Variants in ATM observed in about 807,000 individuals in gnomAD.
The protein encoded by ATM is serine-protein kinase ATM.
Under a neutral mutation model 387.0 loss-of-function variants are expected in ATM, and 308 were observed. The ratio of observed to expected loss-of-function variants is 0.80; its 90% CI spans 0.73 to 0.87. ATM has a LOEUF of 0.87. Ranked by LOEUF, ATM falls within the 40% of genes least tolerant of loss-of-function variation. ATM has a pLI of 0.00. For missense variants in ATM, 3,312 were observed against 3,560.9 expected (o/e 0.93, Z 1.78); for synonymous variants, 1,156 against 1,187.3 (o/e 0.97, Z 0.54).
At position 108,253,833 on chromosome 11, in the gene ATM, A is replaced by G. The variant is rs879254190; in HGVS notation, c.1918A>G (p.Lys640Glu). The G allele has an allele frequency of 6.2e-7, 1 of 1,613,716 alleles. No homozygotes were observed. The highest frequency in any genetic ancestry group is 1.1e-5 in the South Asian group (1 of 91,056). The stretch of plus-strand genomic sequence containing the variant: ...TTGAAGTGAACACCACCAAAAAGAT[A>G]AAGAAGAACTTTCATTCTCAGAAGT... ...VPECEHHQKD[K>E]EELSFSEVEE... The change falls in exon 13 of 63, where the codon AAA (lysine) becomes GAA (glutamate). Residue 640 changes from lysine (K) to glutamate (E), a missense_variant. By Grantham distance (56) the Lys-to-Glu change is moderately conservative (BLOSUM62 1). This residue lies in a region of ATM where 1,791 missense variants were observed against 1,804.5 expected (regional missense o/e 0.99). Coordinates refer to ENST00000675843, the MANE Select transcript of ATM (RefSeq NM_000051.4).
chr11:108,344,963 C>T (rs1437736719), intron 57 of ATM, among the ~76,000 whole-genome samples: 2 of 151,986 alleles, frequency 1.3e-5, no homozygotes, highest in Admixed American at 6.6e-5. Flanking sequence ...TGATCACACC[C>T]CTGCACTCCA....
rs745319720 is a variant in ATM at position 108,330,204 on chromosome 11, T to G, written c.7308-10T>G. 2.5e-6 allele frequency: 4 copies of G among 1,612,286 alleles called. No individual in the cohort carries two copies. In the East Asian group the frequency reaches 8.9e-5, roughly 36 times the overall value. ...GGCTTTTGTGTTTTACCTTAATTAT[T>G]CTATGCAAGATACACAGTAAAGGTT... On this transcript the variant is annotated splice_polypyrimidine_tract_variant and intron_variant, in intron 49 of 62. Coordinates refer to ENST00000675843, the MANE Select transcript of ATM (RefSeq NM_000051.4).
intron 31 of ATM, among the ~76,000 whole-genome samples, chr11:108,293,810 C>T (rs926550608): frequency 4.8e-5 from 7 of 145,048 alleles, no homozygotes; most frequent in Non-Finnish European, 1.0e-4. Flanking sequence ...CCCTGGAGGT[C>T]AAGGCTGCAA....
chr11:108,312,437 A>G lies in ATM; in HGVS notation c.5945A>G (p.Gln1982Arg), dbSNP rs543980602. ...KRSLAFEEGSQSTTISSLSEK... is the reference protein window; with the variant it reads ...KRSLAFEEGSRSTTISSLSEK... The stretch of plus-strand genomic sequence containing the variant: ...AGTCTTGCATTTGAAGAAGGAAGCC[A>G]GAGTACAACTATTTCTAGCTTGAGT... Residue 1982 changes from glutamine (Q) to arginine (R), a missense_variant, in exon 40 of 63, where the codon CAG (glutamine) becomes CGG (arginine). By Grantham distance (43) the Gln-to-Arg change is conservative. Coordinates refer to ENST00000675843, the MANE Select transcript of ATM (RefSeq NM_000051.4). The G allele has an allele frequency of 1.3e-5, 20 of 1,597,350 alleles. No individual in the cohort carries two copies. In the East Asian group the frequency reaches 3.6e-4, roughly 29 times the overall value.
At position 108,304,870 on chromosome 11, in the gene ATM, TAACATTAATACTGTA is replaced by T; in HGVS notation, c.5674+22_5674+36del. 6.2e-7 allele frequency: 1 copy of T among 1,611,412 alleles called. No homozygotes were observed. Among genetic ancestry groups the T allele is most frequent in the Non-Finnish European group, 8.5e-7 (1 of 1,178,352 alleles). ...GGATTCAGGTATTCTATTAAATTTTTAACATTAATACTGTAAACTCAGTTCTAGAGAAAGATGGAT... is the reference window on the plus strand; with the variant it reads ...GGATTCAGGTATTCTATTAAATTTTTAACTCAGTTCTAGAGAAAGATGGAT... On this transcript the variant is annotated intron_variant, in intron 37 of 62. Coordinates refer to ENST00000675843, the MANE Select transcript of ATM (RefSeq NM_000051.4).
chr11:108,237,470 T>C (rs575460182), intron 5 of ATM, among the ~76,000 whole-genome samples: 206 of 152,224 alleles, frequency 1.4e-3, no homozygotes, highest in Admixed American at 4.1e-3. Flanking sequence ...TCTTACTTCT[T>C]TTTTTTTCTT....
chr11:108,286,014 C>A (rs191456314), intron 26 of ATM, among the ~76,000 whole-genome samples: 11 of 152,250 alleles, frequency 7.2e-5, no homozygotes, highest in Admixed American at 5.9e-4. Flanking sequence ...ATCACAGTTT[C>A]TTAGCTTTTT....
intron 16 of ATM, among the ~76,000 whole-genome samples, chr11:108,264,483 A>T (rs1201523948): frequency 6.6e-6 from 1 of 152,182 alleles, no homozygotes; most frequent in East Asian, 1.9e-4. Context: ...GACGTATCTC[A>T]AAATAATAAG....
chr11:108,282,150 C>T (rs1166591395), intron 24 of ATM, among the ~76,000 whole-genome samples: 4 of 148,872 alleles, frequency 2.7e-5, no homozygotes, highest in Admixed American at 6.7e-5. Context: ...TTTTTTGAGA[C>T]GGAGTCTCGC....
intron 16 of ATM, among the ~76,000 whole-genome samples, chr11:108,261,907 A>G (rs1002972014): frequency 6.6e-5 from 10 of 152,074 alleles, no homozygotes; most frequent in African/African-American, 2.4e-4. Context: ...AATGAATGAA[A>G]TGAAGCGAGA....
At chr11:108,336,409 GTATT>G (rs1425756699) in intron 56 of ATM, 2 of 158,276 alleles carry the variant, frequency 1.3e-5, no homozygotes, top group South Asian at 1.8e-4. Context: ...TTTGTAAAAA[GTATT>G]TATTAATGTT....
At chr11:108,258,950 C>G (rs1477113640) in intron 15 of ATM, 36 bp from the exon 16 acceptor site, 3 of 1,525,182 alleles carry the variant, frequency 2.0e-6, no homozygotes, top group African/African-American at 2.7e-5. Flanking sequence ...GTTTTTATTT[C>G]TTTGTTGCTT....
chr11:108,358,170 C>T (rs948427907), intron 61 of ATM, among the ~76,000 whole-genome samples: 7 of 150,492 alleles, frequency 4.7e-5, no homozygotes, highest in East Asian at 1.9e-4. Context: ...GGAGCCGATG[C>T]GATCAACTGG....
chr11:108,296,892 C>A, intron 32 of ATM: 1 of 261,442 alleles, frequency 3.8e-6, no homozygotes, highest in African/African-American at 2.2e-5. Context: ...ACATTTCCAT[C>A]ATTGCAGAAA....
At chr11:108,266,023 T>G (rs2081214191) in intron 16 of ATM, among the ~76,000 whole-genome samples, 1 of 152,058 alleles carries the variant, frequency 6.6e-6, no homozygotes, top group Non-Finnish European at 1.5e-5. Context: ...GGAATCCTTT[T>G]ACACTGTTGG....
intron 22 of ATM, among the ~76,000 whole-genome samples, chr11:108,278,840 A>T (rs1028078844): frequency 6.6e-6 from 1 of 152,168 alleles, no homozygotes; most frequent in African/African-American, 2.4e-5. Context: ...TGGGGATCAG[A>T]TTTCAACATG....
intron 43 of ATM, among the ~76,000 whole-genome samples, chr11:108,317,974 C>T (rs898965507): frequency 1.3e-5 from 2 of 152,034 alleles, no homozygotes; most frequent in Non-Finnish European, 2.9e-5. Context: ...CTACTTCCTG[C>T]TACAAACATT....
At chr11:108,271,439 C>G (rs2081579728) in intron 20 of ATM, 33 bp downstream of exon 20, 1 of 1,613,366 alleles carries the variant, frequency 6.2e-7, no homozygotes, top group Non-Finnish European at 8.5e-7. Context: ...TCCTATTTTT[C>G]TTTTGCTATC....
At chr11:108,325,062 A>AT (rs1204018947) in intron 45 of ATM, among the ~76,000 whole-genome samples, 1 of 151,904 alleles carries the variant, frequency 6.6e-6, no homozygotes, top group Non-Finnish European at 1.5e-5. Context: ...AGTATTAAAA[A>AT]TTTTTTTTGA....
Sources: gnomAD v4.1 joint callset for allele counts (sites outside exome capture counted in the v4.1 genomes callset) on GRCh38, gnomAD v4.1.1 for gene constraint, gnomAD v4.1.1 regional missense constraint, MANE v1.5 for transcripts, NCBI Gene and HGNC (gene_info 2026-07-23, HGNC 2026-07-21) for gene names.